LYPD8: variants seen among roughly 807,000 people sequenced by gnomAD.
LYPD8 encodes the protein LY6/PLAUR domain containing 8.
Under a neutral mutation model 1.7 loss-of-function variants are expected in LYPD8, and 8 were observed. The observed-to-expected ratio is 4.58, with a 90% confidence interval of 2.69 to 8.27. The LOEUF (loss-of-function observed/expected upper bound fraction) is 8.27, where lower values mean the gene tolerates loss of function less well. Among genes scored for constraint, LYPD8 ranks in the 30% most tolerant of loss-of-function variants. LYPD8 has a pLI of 0.00. For synonymous variants in LYPD8, 50 were observed against 43.6 expected (o/e 1.15, Z -0.58); for missense variants, 112 against 102.3 (o/e 1.09, Z -0.41).
chr1:248,750,728 A>T (rs1237831843), intron 3 of LYPD8, 85 bp from the exon 4 acceptor site: 5 of 398,152 alleles, frequency 1.3e-5, no homozygotes, highest in Non-Finnish European at 1.8e-5. Flanking sequence ...CACTGCTCCC[A>T]CCTTGCAGTA....
intron 6 of LYPD8, among the ~76,000 whole-genome samples, chr1:248,740,289 C>T (rs146428663): frequency 5.8e-4 from 88 of 152,328 alleles, no homozygotes; most frequent in African/African-American, 2.0e-3. Context: ...CTTTGCTTTC[C>T]GTCCTCACTC....
intron 2 of LYPD8, among the ~76,000 whole-genome samples, chr1:248,752,611 ACACATC>A (rs1662819326): frequency 7.8e-6 from 1 of 128,788 alleles, no homozygotes; most frequent in Admixed American, 7.7e-5. Flanking sequence ...CACACCCCAC[ACACATC>A]ACACACACAC....
At chr1:248,750,796 G>C (rs957433789) in intron 3 of LYPD8, among the ~76,000 whole-genome samples, 153 bp from the exon 4 acceptor site, 3 of 152,164 alleles carry the variant, frequency 2.0e-5, no homozygotes, top group Non-Finnish European at 4.4e-5. Context: ...GATGCTGTAA[G>C]ATGAGCCACC....
intron 2 of LYPD8, 57 bp from the exon 3 acceptor site, chr1:248,751,187 T>C (rs1284505754): frequency 5.0e-5 from 20 of 397,802 alleles, no homozygotes; most frequent in Non-Finnish European, 6.2e-5. Context: ...TCTCATCCCC[T>C]GGGGCTTTTA....
chr1:248,739,922 T>G lies in LYPD8; in HGVS notation c.476-73A>C. ...TTCCACCCACGCCTGCTCTTAGTTC[T>G]TCACCTGCAGCACGGTGGCCCGGTG... is the stretch of plus-strand genomic sequence containing the variant. On this transcript the variant is annotated intron_variant, in intron 6 of 6. Transcript: ENST00000590317. The surrounding 1 kb of genome is among the most constrained non-coding windows in gnomAD (Gnocchi z 4.3). The G allele has an allele frequency of 6.5e-7, 1 of 1,532,332 alleles. No individual in the cohort carries two copies. The allele number at this position is 1,532,332 out of a possible 1,614,324, so 94.9% of individuals were successfully genotyped here.
intron 2 of LYPD8, among the ~76,000 whole-genome samples, chr1:248,753,301 CCA>C (rs1662859674): frequency 9.6e-6 from 1 of 104,424 alleles, no homozygotes; most frequent in Non-Finnish European, 1.9e-5. Flanking sequence ...ACCACACACA[CCA>C]CACACCCCAC....
At chr1:248,740,657 T>C (rs1336311865) in intron 6 of LYPD8, among the ~76,000 whole-genome samples, 4 of 148,232 alleles carry the variant, frequency 2.7e-5, no homozygotes, top group Admixed American at 2.0e-4. Context: ...AGGCCGGCTC[T>C]AGGACCAGGC....
intron 2 of LYPD8, among the ~76,000 whole-genome samples, chr1:248,753,117 A>C (rs1662850028): frequency 1.1e-5 from 1 of 88,582 alleles, no homozygotes; most frequent in African/African-American, 3.6e-5. Context: ...CACACACAAC[A>C]CACACAACAC....
chr1:248,746,054 G>A (rs1167096002), intron 5 of LYPD8, among the ~76,000 whole-genome samples: 5 of 152,090 alleles, frequency 3.3e-5, no homozygotes, highest in Non-Finnish European at 7.3e-5. Flanking sequence ...TTTCCAAAAG[G>A]TATAATAACA....
intron 2 of LYPD8, among the ~76,000 whole-genome samples, chr1:248,753,842 A>ACT: frequency 6.7e-6 from 1 of 149,618 alleles, no homozygotes; most frequent in South Asian, 2.1e-4. Context: ...CATGTCACAC[A>ACT]CACATCACAT....
At position 248,739,624 on chromosome 1, in the gene LYPD8, C is replaced by G. The variant is rs1558204665; in HGVS notation, c.701G>C (p.Gly234Ala). Residue 234 changes from glycine (G) to alanine (A), a missense_variant, in exon 7 of 7, where the codon GGA (glycine) becomes GCA (alanine). Gly to Ala is a moderately conservative substitution (Grantham distance 60). Transcript: ENST00000590317. The surrounding 1 kb of genome is among the most constrained non-coding windows in gnomAD (Gnocchi z 4.3). Reference sequence around the variant, plus strand: ...AGCCCCAGGACCTCAGGGCAGCAGTCCCCGAAGAAGGAGGCTGGCAAGGGC... The same window carrying G: ...AGCCCCAGGACCTCAGGGCAGCAGTGCCCGAAGAAGGAGGCTGGCAAGGGC... Reference protein sequence around the residue: ...LLALASLLLRGLLP With the variant: ...LLALASLLLRALLP 1 of 1,551,448 alleles carries G rather than the reference C, an allele frequency of 6.4e-7. No individual in the cohort carries two copies.
At chr1:248,752,852 CCACACCACACA>C (rs1662835822) in intron 2 of LYPD8, among the ~76,000 whole-genome samples, 1 of 98,878 alleles carries the variant, frequency 1.0e-5, no homozygotes, top group African/African-American at 4.4e-5. Flanking sequence ...CACACACACA[CCACACCACACA>C]CACACCACAC....
At chr1:248,753,629 C>A (rs1662872942) in intron 2 of LYPD8, among the ~76,000 whole-genome samples, 1 of 126,736 alleles carries the variant, frequency 7.9e-6, no homozygotes, top group Non-Finnish European at 1.7e-5. Flanking sequence ...ACAACACACA[C>A]AACACACCAC....
At chr1:248,743,235 C>T (rs112914153) in intron 6 of LYPD8, among the ~76,000 whole-genome samples, 1,579 of 152,224 alleles carry the variant, frequency 0.01, 21 homozygotes, top group African/African-American at 0.025. Flanking sequence ...GAGACCGAGG[C>T]GGGCGGATCA....
At chr1:248,752,210 T>C (rs1293754874) in intron 2 of LYPD8, among the ~76,000 whole-genome samples, 7 of 152,050 alleles carry the variant, frequency 4.6e-5, no homozygotes, top group Non-Finnish European at 5.9e-5. Flanking sequence ...GGCTGCTGTA[T>C]TGGCCAACGC....
intron 6 of LYPD8, among the ~76,000 whole-genome samples, chr1:248,744,399 GTTAACAGCAA>G (rs1662685630): frequency 6.6e-6 from 1 of 152,260 alleles, no homozygotes; most frequent in Non-Finnish European, 1.5e-5. Context: ...CACTGGTATT[GTTAACAGCAA>G]TTAACTTACC....
chr1:248,748,247 C>G (rs1662742569), intron 5 of LYPD8, 42 bp downstream of exon 5: 1 of 395,510 alleles, frequency 2.5e-6, no homozygotes, highest in African/African-American at 2.3e-5. Flanking sequence ...CCCCGCACGG[C>G]CAGCACCCAC....
intron 2 of LYPD8, among the ~76,000 whole-genome samples, chr1:248,753,865 A>G (rs1358312593): frequency 6.7e-6 from 1 of 148,850 alleles, no homozygotes; most frequent in Non-Finnish European, 1.5e-5. Context: ...CACATACACC[A>G]CACACCCCAT....
intron 5 of LYPD8, among the ~76,000 whole-genome samples, chr1:248,746,619 C>T (rs1205738329): frequency 3.8e-4 from 51 of 132,612 alleles, no homozygotes; most frequent in African/African-American, 1.0e-3. Flanking sequence ...GGGCATCCCC[C>T]GCACGGCCAG....
Sources: gnomAD v4.1 joint callset for allele counts (sites outside exome capture counted in the v4.1 genomes callset) on GRCh38, gnomAD v4.1.1 for gene constraint, Gnocchi (gnomAD v3.1) non-coding constraint, MANE v1.5 for transcripts, NCBI Gene and HGNC (gene_info 2026-07-23, HGNC 2026-07-21) for gene names.